GABRA1: variants seen among roughly 807,000 people sequenced by gnomAD.
GABRA1 encodes gamma-aminobutyric acid receptor subunit alpha-1.
In GABRA1, 9 loss-of-function variants were observed where a neutral mutation model predicts 48.9. The ratio of observed to expected loss-of-function variants is 0.18; its 90% CI spans 0.11 to 0.32. The LOEUF is 0.32. GABRA1 is among the 10% of genes least tolerant of loss of function. The probability of loss-of-function intolerance (pLI) is 1.00; values close to 1 mark genes in which losing one functional copy is unlikely to be tolerated. For synonymous variants in GABRA1, 210 were observed against 198.7 expected (o/e 1.06, Z -0.48); for missense variants, 285 against 553.8 (o/e 0.51, Z 4.87).
At chr5:161,875,889 GCT>G (rs1468039913) in intron 6 of GABRA1, among the ~76,000 whole-genome samples, 2 of 152,090 alleles carry the variant, frequency 1.3e-5, no homozygotes, top group Non-Finnish European at 2.9e-5. Flanking sequence ...TTCTATTTAT[GCT>G]GAATTTGTAT....
chr5:161,887,256 C>T (rs958190262), intron 7 of GABRA1, among the ~76,000 whole-genome samples: 3 of 152,066 alleles, frequency 2.0e-5, no homozygotes, highest in African/African-American at 2.4e-5. Flanking sequence ...GACACAGAGT[C>T]GTCTCTGCAT....
At chr5:161,887,822 A>C (rs919986367) in intron 7 of GABRA1, among the ~76,000 whole-genome samples, 2 of 152,094 alleles carry the variant, frequency 1.3e-5, no homozygotes, top group African/African-American at 4.8e-5. Context: ...AGTTTTTAAA[A>C]AGTGCTTTCA....
At chr5:161,847,839 G>A (rs182812098), upstream of GABRA1, 9 of 152,062 alleles carry the variant, frequency 5.9e-5, no homozygotes, top group Admixed American at 4.6e-4. Flanking sequence ...CCTTAAAATC[G>A]GGTGTTCATA....
chr5:161,888,164 T>G (rs1561583191), intron 7 of GABRA1, among the ~76,000 whole-genome samples: 2 of 152,138 alleles, frequency 1.3e-5, no homozygotes, highest in East Asian at 3.8e-4. Flanking sequence ...CCTAGACTGT[T>G]GAAGGAGGGA....
At chr5:161,886,431 T>A (rs1367371285) in intron 7 of GABRA1, among the ~76,000 whole-genome samples, 1 of 151,794 alleles carries the variant, frequency 6.6e-6, no homozygotes, top group Non-Finnish European at 1.5e-5. Context: ...TAGAAGAGTA[T>A]CTGGTTTGTA....
chr5:161,867,521 A>C (rs1231878632), intron 4 of GABRA1, among the ~76,000 whole-genome samples: 1 of 152,160 alleles, frequency 6.6e-6, no homozygotes, highest in African/African-American at 2.4e-5. Flanking sequence ...TAAGCTTCTA[A>C]GGCTCAAAGT....
intron 1 of GABRA1, chr5:161,850,125 A>C (rs2113290037): frequency 7.6e-6 from 1 of 131,248 alleles, no homozygotes; most frequent in East Asian, 2.2e-4. Flanking sequence ...TGTGAGAGAG[A>C]TCAGCACATG....
rs746972522 is a variant in GABRA1, at chr5:161,876,454, G to A, written c.559+812G>A. ...GAGTCAACTCCTGGACTACCTAACC[G>A]ATTTTCTGTTCTCACTAGACAGGCA... On this transcript the variant is annotated intron_variant, in intron 6 of 9. Transcript: ENST00000393943. Among the ~76,000 whole-genome samples, 9 of 152,228 alleles carry A rather than the reference G, an allele frequency of 5.9e-5. No homozygotes were observed. The East Asian group carries it at 1.2e-3, about 20-fold the overall frequency.
At chr5:161,875,735 T>A in intron 6 of GABRA1, 93 bp downstream of exon 6, 41 of 914,638 alleles carry the variant, frequency 4.5e-5, no homozygotes, top group Non-Finnish European at 6.8e-5. Context: ...GATAAGGGAA[T>A]CAAGAAAATT....
intron 4 of GABRA1, among the ~76,000 whole-genome samples, chr5:161,871,587 C>A (rs1754123683): frequency 6.6e-6 from 1 of 152,228 alleles, no homozygotes; most frequent in Non-Finnish European, 1.5e-5. Context: ...CTATTCTATG[C>A]CCATCGTACA....
intron 1 of GABRA1, among the ~76,000 whole-genome samples, chr5:161,849,812 C>T (rs532299314): frequency 2.0e-5 from 3 of 152,250 alleles, no homozygotes; most frequent in East Asian, 3.9e-4. Context: ...CATTGAATTT[C>T]GAAAACTGAC....
chr5:161,891,840 G>GAAAATTGCATTCTGAAGCTT (rs1755104909), intron 8 of GABRA1, among the ~76,000 whole-genome samples: 1 of 152,118 alleles, frequency 6.6e-6, no homozygotes, highest in Non-Finnish European at 1.5e-5. Context: ...CTCTCGTTAT[G>GAAAATTGCATTCTGAAGCTT]AAAATTGCAT....
At chr5:161,866,867 A>C (rs1380742557) in intron 4 of GABRA1, among the ~76,000 whole-genome samples, 1 of 152,134 alleles carries the variant, frequency 6.6e-6, no homozygotes, top group Non-Finnish European at 1.5e-5. Context: ...AAAGAAAAAT[A>C]TGTGGAGTAT....
Position 161,863,979 on chromosome 5 carries a change from C to G in GABRA1, c.188-1742C>G, listed in dbSNP as rs577947865. Among the ~76,000 whole-genome samples the G allele has an allele frequency of 3.1e-3, 468 of 151,964 alleles. 2 individuals carry two copies. The highest frequency in any genetic ancestry group is 0.011 in the African/African-American group (463 of 41,494). On this transcript the variant is annotated intron_variant, in intron 3 of 9. Transcript: ENST00000393943. The stretch of plus-strand genomic sequence containing the variant: ...GTTTTCCAGCCACAGAAACTTCCCC[C>G]CTTGCTGCCCCGCCACTGGACACTT...
chr5:161,873,049 C>T, intron 4 of GABRA1, 68 bp from the exon 5 acceptor site: 2 of 1,232,380 alleles, frequency 1.6e-6, no homozygotes, highest in Non-Finnish European at 2.4e-6. Context: ...TATGCACTGT[C>T]TGCGTTAGAT....
rs113406057 is a variant in GABRA1, at chr5:161,897,989, GA to G, written c.*578del. On this transcript the variant is annotated 3_prime_UTR_variant, in exon 10 of 10. Coordinates refer to ENST00000393943, the MANE Select transcript of GABRA1 (RefSeq NM_001127644.2). ...CTGAAGATCCCCATTCTTTCTCTTT[GA>G]AAAAAAAAAAGGCCTAATGCATTAT... 1,010 of 136,548 alleles carry G rather than the reference GA, an allele frequency of 7.4e-3. 4 individuals carry two copies. Among genetic ancestry groups the G allele is most frequent in the Non-Finnish European group, 9.1e-3 (569 of 62,690 alleles). The allele number at this position is 136,548 out of a possible 1,614,324, so 8.5% of individuals were successfully genotyped here. A position where few individuals can be genotyped will look rare whatever the true frequency, so the allele number is the denominator to read the frequency against.
chr5:161,893,518 C>CCAAA (rs149029975), intron 8 of GABRA1, among the ~76,000 whole-genome samples: 56 of 151,974 alleles, frequency 3.7e-4, no homozygotes, highest in East Asian at 1.5e-3. Context: ...AACAAAAGAA[C>CCAAA]CAAACAAACA....
chr5:161,882,511 A>G (rs747600554), intron 6 of GABRA1, 47 bp from the exon 7 acceptor site: 1 of 1,561,684 alleles, frequency 6.4e-7, no homozygotes, highest in African/African-American at 1.4e-5. Context: ...AAATAAGAGA[A>G]TTGAAGTGGT....
At chr5:161,866,497 C>T (rs968029441) in intron 4 of GABRA1, among the ~76,000 whole-genome samples, 2 of 151,958 alleles carry the variant, frequency 1.3e-5, no homozygotes, top group African/African-American at 2.4e-5. Context: ...GGAAACATAC[C>T]ATTATGAATA....
Sources: allele counts gnomAD v4.1 joint callset (sites outside exome capture counted in the v4.1 genomes callset), GRCh38; gene constraint gnomAD v4.1.1; transcripts MANE v1.5; gene names NCBI Gene and HGNC (gene_info 2026-07-23, HGNC 2026-07-21).